Variants in STK3 observed in about 807,000 individuals in gnomAD.
STK3 encodes the protein serine/threonine-protein kinase 3.
STK3 carries 41 observed loss-of-function variants against 58.0 expected under a neutral mutation model. The ratio of observed to expected loss-of-function variants is 0.71; its 90% CI spans 0.55 to 0.92. The LOEUF (loss-of-function observed/expected upper bound fraction) is 0.92. Ranked by LOEUF, STK3 falls within the 40% of genes least tolerant of loss-of-function variation. The pLI is 0.00. For synonymous variants in STK3, 170 were observed against 191.0 expected (o/e 0.89, Z 0.91); for missense variants, 479 against 602.7 (o/e 0.79, Z 2.15).
chr8:98,885,852 T>C (rs992997696), intron 1 of STK3, among the ~76,000 whole-genome samples: 15 of 152,210 alleles, frequency 9.9e-5, no homozygotes, highest in Admixed American at 2.6e-4. Flanking sequence ...GGAACACCTA[T>C]ATCATGGAAT....
chr8:98,745,980 A>G (rs1355080090), intron 4 of STK3, among the ~76,000 whole-genome samples: 1 of 152,242 alleles, frequency 6.6e-6, no homozygotes, highest in Non-Finnish European at 1.5e-5. Context: ...CAGCAACACA[A>G]TGGTAAGTAT....
At chr8:98,444,686 G>A (rs1354688304) in intron 1 of STK3, among the ~76,000 whole-genome samples, 1 of 152,198 alleles carries the variant, frequency 6.6e-6, no homozygotes, top group East Asian at 1.9e-4. Flanking sequence ...GAAAATACAA[G>A]GGGAATGGCG....
chr8:98,366,622 G>A (rs1356827552), downstream of STK3, among the ~76,000 whole-genome samples: 8 of 152,102 alleles, frequency 5.3e-5, no homozygotes, highest in African/African-American at 1.2e-4. Context: ...AATTTATAAC[G>A]CCTCCTTTAT....
At chr8:98,439,921 T>C (rs1386161860) in intron 1 of STK3, among the ~76,000 whole-genome samples, 2 of 152,204 alleles carry the variant, frequency 1.3e-5, no homozygotes, top group African/African-American at 4.8e-5. Flanking sequence ...ATTTGTCATC[T>C]GCCATGCACT....
At chr8:98,896,148 G>A (rs1173046755) in intron 1 of STK3, among the ~76,000 whole-genome samples, 1 of 152,054 alleles carries the variant, frequency 6.6e-6, no homozygotes, top group African/African-American at 2.4e-5. Context: ...TCCTAAAACA[G>A]AGCTTTGTCT....
intron 3 of STK3, among the ~76,000 whole-genome samples, chr8:98,838,074 C>CAAAAAA (rs58973724): frequency 1.7e-4 from 10 of 58,774 alleles, no homozygotes; most frequent in Non-Finnish European, 2.3e-4. Context: ...ACTAAAAATA[C>CAAAAAA]AAAAAAAAAA....
intron 1 of STK3, among the ~76,000 whole-genome samples, chr8:98,445,288 C>T (rs901569655): frequency 7.9e-5 from 12 of 152,156 alleles, no homozygotes; most frequent in African/African-American, 2.6e-4. Flanking sequence ...CTGATGGATG[C>T]GTTTAGCTAA....
chr8:98,443,623 G>A (rs13258810), intron 1 of STK3, among the ~76,000 whole-genome samples: 36,233 of 152,008 alleles, frequency 0.24, 4,761 homozygotes, highest in Admixed American at 0.41. Context: ...CAAGATGGGC[G>A]GATCAGTTGA....
At chr8:98,588,321 T>C (rs1814866749) in intron 7 of STK3, among the ~76,000 whole-genome samples, 2 of 152,118 alleles carry the variant, frequency 1.3e-5, no homozygotes, top group South Asian at 4.2e-4. Context: ...CAGCATTTGC[T>C]TGTCTGTAAA....
At chr8:98,835,456 A>G (rs1835711584) in intron 3 of STK3, among the ~76,000 whole-genome samples, 1 of 152,146 alleles carries the variant, frequency 6.6e-6, no homozygotes, top group Non-Finnish European at 1.5e-5. Flanking sequence ...GGGTCCTACT[A>G]AATGGGCAAC....
intron 1 of STK3, among the ~76,000 whole-genome samples, chr8:98,780,753 A>G (rs1383608359): frequency 6.6e-6 from 1 of 152,166 alleles, no homozygotes; most frequent in Admixed American, 6.5e-5. Flanking sequence ...TACAAATCTC[A>G]GGAGAGATTT....
chr8:98,642,000 TCTAATCA>T (rs556509043), intron 6 of STK3, among the ~76,000 whole-genome samples: 80 of 152,330 alleles, frequency 5.3e-4, no homozygotes, highest in Middle Eastern at 3.4e-3. Flanking sequence ...GAGGGAAAAT[TCTAATCA>T]CTACATGTTG....
intron 1 of STK3, among the ~76,000 whole-genome samples, chr8:98,892,444 C>T (rs7843232): frequency 1.8e-3 from 278 of 152,308 alleles, no homozygotes; most frequent in African/African-American, 6.5e-3. Flanking sequence ...CCTCAAGGCC[C>T]TCAGAATGAA....
chr8:98,928,926 A>G (rs912275790), intron 1 of STK3, among the ~76,000 whole-genome samples: 1 of 152,218 alleles, frequency 6.6e-6, no homozygotes, highest in Non-Finnish European at 1.5e-5. Flanking sequence ...ATTCCCACAC[A>G]TGGACAAGAG....
chr8:98,481,578 T>C (rs997076008), intron 10 of STK3, among the ~76,000 whole-genome samples: 5 of 152,106 alleles, frequency 3.3e-5, no homozygotes, highest in Non-Finnish European at 7.4e-5. Flanking sequence ...ATAATGGACA[T>C]TGGAGACTCA....
chr8:98,893,664 T>C lies in STK3; in HGVS notation c.-78-9830A>G, dbSNP rs111649420. Among the ~76,000 whole-genome samples the C allele has an allele frequency of 9.3e-3, 1,420 of 151,898 alleles. 17 individuals are homozygous for C. The highest frequency in any genetic ancestry group is 0.032 in the African/African-American group (1,339 of 41,426). On this transcript the variant is annotated intron_variant, in intron 1 of 1. Coordinates refer to the STK3 transcript ENST00000519420. Reference sequence around the variant, plus strand: ...AAAGCAACCAAAGCTTGAGTTCTGTTCCTGATTTCATCCCCAAGGTTACCA... The same window carrying C: ...AAAGCAACCAAAGCTTGAGTTCTGTCCCTGATTTCATCCCCAAGGTTACCA...
chr8:98,584,222 A>G (rs1318292956), intron 7 of STK3, among the ~76,000 whole-genome samples: 3 of 151,886 alleles, frequency 2.0e-5, no homozygotes, highest in Admixed American at 1.3e-4. Context: ...AGCATTAGGT[A>G]TATCTCCTAA....
chr8:98,889,545 C>T (rs983705056), intron 1 of STK3, among the ~76,000 whole-genome samples: 5 of 152,212 alleles, frequency 3.3e-5, no homozygotes, highest in African/African-American at 1.2e-4. Context: ...ACAGAGTTGA[C>T]TCAGCTCATT....
At chr8:98,605,157 T>C (rs1370356637) in intron 6 of STK3, among the ~76,000 whole-genome samples, 1 of 152,188 alleles carries the variant, frequency 6.6e-6, no homozygotes, top group Non-Finnish European at 1.5e-5. Flanking sequence ...GAGCCCTCCA[T>C]ACTCTTCCAG....
Sources: allele counts gnomAD v4.1 joint callset (sites outside exome capture counted in the v4.1 genomes callset), GRCh38; gene constraint gnomAD v4.1.1; transcripts MANE v1.5; gene names NCBI Gene and HGNC (gene_info 2026-07-23, HGNC 2026-07-21).